Variants in UBA3 observed in about 807,000 individuals in gnomAD.
UBA3 encodes NEDD8-activating enzyme E1 catalytic subunit.
A neutral mutation model predicts 73.5 loss-of-function variants in UBA3; 26 were observed. The ratio of observed to expected loss-of-function variants is 0.35; its 90% CI spans 0.26 to 0.49. UBA3 has a LOEUF of 0.49. UBA3 is among the 20% of genes least tolerant of loss of function. UBA3 has a pLI of 0.98. For synonymous variants in UBA3, 217 were observed against 191.2 expected (o/e 1.13, Z -1.11); for missense variants, 495 against 555.6 (o/e 0.89, Z 1.10).
rs763832913 is a variant in UBA3 at position 69,075,505 on chromosome 3, G to A, written c.189C>T (p.Leu63=). ...HPDFEPSTES[L]QFLLDTCKVL... is the part of the protein sequence containing the mutation. ...CTTTACATGTATCTAACAAGAACTG[G>A]AGAGACTGTAAAGAATGGAAAGGCA... is the stretch of plus-strand genomic sequence containing the variant. The change falls in exon 4 of 18, where the codon CTC becomes CTT. Residue 63 remains leucine (L), a synonymous_variant. Transcript: ENST00000361055. 5.2e-6 allele frequency: 8 copies of A among 1,545,760 alleles called. No homozygotes were observed. In the Admixed American group the frequency reaches 1.6e-4, roughly 32 times the overall value.
chr3:69,070,479 A>C (rs1270793163), intron 5 of UBA3, among the ~76,000 whole-genome samples: 2 of 152,166 alleles, frequency 1.3e-5, no homozygotes, highest in African/African-American at 2.4e-5. Context: ...TAACAGATGC[A>C]AACTTCCTAA....
chr3:69,063,707 C>A (rs2092042721), intron 7 of UBA3, among the ~76,000 whole-genome samples: 1 of 151,848 alleles, frequency 6.6e-6, no homozygotes, highest in Non-Finnish European at 1.5e-5. Context: ...GAACATAAAA[C>A]TGCCCTAAAA....
At chr3:69,064,886 T>C (rs933826096) in intron 6 of UBA3, among the ~76,000 whole-genome samples, 1 of 152,174 alleles carries the variant, frequency 6.6e-6, no homozygotes, top group South Asian at 2.1e-4. Flanking sequence ...TAGTCCACTA[T>C]AAATTTTTTA....
chr3:69,072,064 ATATAT>A (rs1241045108), intron 4 of UBA3, among the ~76,000 whole-genome samples: 1 of 152,208 alleles, frequency 6.6e-6, no homozygotes, highest in African/African-American at 2.4e-5. Context: ...ATTATAAGAC[ATATAT>A]TATAAAAACA....
rs571041621 is a variant in UBA3, at chr3:69,054,796, T to C, written c.*641A>G. 3.9e-5 allele frequency: 6 copies of C among 152,332 alleles called. No homozygotes were observed. The highest frequency in any genetic ancestry group is 2.1e-4 in the South Asian group (1 of 4,830). The allele number at this position is 152,332 out of a possible 1,614,324, so 9.4% of individuals were successfully genotyped here. On this transcript the variant is annotated 3_prime_UTR_variant, in exon 18 of 18. Transcript: ENST00000361055. ...CAGTGATAACTGTTTGAACATTAAA[T>C]TTTTTAAACAGCCATGTCTTGGCAT...
At chr3:69,056,364 G>C (rs906190320) in intron 14 of UBA3, 81 bp from the exon 15 acceptor site, 39 of 1,210,188 alleles carry the variant, frequency 3.2e-5, no homozygotes, top group Non-Finnish European at 4.4e-5. Context: ...ATAAAAATCA[G>C]GTTGTTTTAT....
chr3:69,063,564 A>C, intron 7 of UBA3, 61 bp from the exon 8 acceptor site: 1 of 1,351,612 alleles, frequency 7.4e-7, no homozygotes, highest in Non-Finnish European at 1.0e-6. Context: ...ATGATCTTTC[A>C]ATGTAGATTC....
At chr3:69,069,472 A>G (rs1234763151) in intron 5 of UBA3, among the ~76,000 whole-genome samples, 1 of 152,046 alleles carries the variant, frequency 6.6e-6, no homozygotes, top group Non-Finnish European at 1.5e-5. Flanking sequence ...GACTACGGGC[A>G]TGAGTCACTA....
chr3:69,063,149 A>G lies in UBA3; in HGVS notation c.538-12T>C, dbSNP rs2092037785. ...TTTAGAAGAGATATCTAGGAAAACA[A>G]TTTGAAGGGCTTTAAAGGAGAAGGG... On this transcript the variant is annotated splice_polypyrimidine_tract_variant and intron_variant, in intron 8 of 17. Coordinates refer to ENST00000361055, the MANE Select transcript of UBA3 (RefSeq NM_003968.4). 1.9e-6 allele frequency: 3 copies of G among 1,613,316 alleles called. No individual in the cohort carries two copies. The highest frequency in any genetic ancestry group is 2.7e-5 in the African/African-American group (2 of 74,886).
chr3:69,057,338 T>C (rs1373813909), intron 11 of UBA3, 29 bp from the exon 12 acceptor site: 1 of 1,582,604 alleles, frequency 6.3e-7, no homozygotes, highest in Admixed American at 1.8e-5. Flanking sequence ...TAAAATATGG[T>C]CATTTCTTTA....
intron 11 of UBA3, among the ~76,000 whole-genome samples, chr3:69,058,649 T>C (rs1383247753): frequency 6.6e-6 from 1 of 152,156 alleles, no homozygotes; most frequent in East Asian, 1.9e-4. Context: ...ACACAAACAG[T>C]GAAGCGTGTA....
intron 6 of UBA3, among the ~76,000 whole-genome samples, chr3:69,067,599 A>C (rs889828026): frequency 2.6e-5 from 4 of 152,204 alleles, no homozygotes; most frequent in Admixed American, 2.0e-4. Flanking sequence ...ACAAAGATTA[A>C]TTGGATCCAG....
chr3:69,056,678 C>A lies in UBA3; in HGVS notation c.1017G>T (p.Leu339Phe), dbSNP rs2091976578. 1 of 1,613,284 alleles carries A rather than the reference C, an allele frequency of 6.2e-7. No homozygotes were observed. Among genetic ancestry groups the A allele is most frequent in the African/African-American group, 1.3e-5 (1 of 74,974 alleles). ...FKIATSAYIP[L>F]NNYLVFNDVD... ...CATCATTAAACACCAAGTAATTATTCAAGGGAATGTATGCACTGTAATGAA... is the reference window on the plus strand; with the variant it reads ...CATCATTAAACACCAAGTAATTATTAAAGGGAATGTATGCACTGTAATGAA... Residue 339 changes from leucine (L) to phenylalanine (F), a missense_variant, in exon 14 of 18, where the codon TTG becomes TTT. Leu to Phe is a conservative substitution (Grantham distance 22). Transcript: ENST00000361055.
chr3:69,069,654 G>C (rs1284346979), intron 5 of UBA3, among the ~76,000 whole-genome samples: 1 of 152,000 alleles, frequency 6.6e-6, no homozygotes, highest in Non-Finnish European at 1.5e-5. Flanking sequence ...ATAAAGCACT[G>C]TTCTTTTTTG....
chr3:69,077,741 A>T (rs2092180083), intron 3 of UBA3, 57 bp downstream of exon 3: 2 of 1,485,438 alleles, frequency 1.3e-6, no homozygotes, highest in Non-Finnish European at 1.8e-6. Context: ...GAAGCATTCT[A>T]TTAGTTTTGA....
chr3:69,060,559 T>A (rs187852114), intron 11 of UBA3, among the ~76,000 whole-genome samples: 1 of 152,372 alleles, frequency 6.6e-6, no homozygotes, highest in East Asian at 1.9e-4. Context: ...TTGTTTTCTC[T>A]AACTATATTC....
At chr3:69,059,339 T>G (rs1001164468) in intron 11 of UBA3, among the ~76,000 whole-genome samples, 3 of 152,152 alleles carry the variant, frequency 2.0e-5, no homozygotes, top group Non-Finnish European at 2.9e-5. Context: ...TAAACAGCAA[T>G]GGCAATGGTC....
intron 2 of UBA3, 146 bp from the exon 3 acceptor site, chr3:69,078,064 C>G: frequency 8.8e-7 from 1 of 1,131,310 alleles, no homozygotes; most frequent in Non-Finnish European, 1.2e-6. Flanking sequence ...TATGTTTATG[C>G]TTTGAAATTT....
Position 69,070,159 on chromosome 3 carries a change from C to T in UBA3, c.347+1376G>A, listed in dbSNP as rs1213089094. ...GGCCTGTATCAATAACAAATCAATTCAGTGGTATCTTTTTCAGAGAATTCA... is the reference window on the plus strand; with the variant it reads ...GGCCTGTATCAATAACAAATCAATTTAGTGGTATCTTTTTCAGAGAATTCA... On this transcript the variant is annotated intron_variant, in intron 5 of 17. Coordinates refer to ENST00000361055, the MANE Select transcript of UBA3 (RefSeq NM_003968.4). Among the ~76,000 whole-genome samples the T allele has an allele frequency of 2.6e-5, 4 of 152,246 alleles. No individual in the cohort carries two copies. In the East Asian group the frequency reaches 7.7e-4, roughly 29 times the overall value.
Sources: allele counts gnomAD v4.1 joint callset (sites outside exome capture counted in the v4.1 genomes callset), GRCh38; gene constraint gnomAD v4.1.1; transcripts MANE v1.5; gene names NCBI Gene and HGNC (gene_info 2026-07-23, HGNC 2026-07-21).